BANP: variants seen among roughly 807,000 people sequenced by gnomAD.
The protein encoded by BANP is BTG3 associated nuclear protein, also known as protein BANP.
A neutral mutation model predicts 68.1 loss-of-function variants in BANP; 11 were observed. The observed-to-expected ratio is 0.16, with a 90% confidence interval of 0.10 to 0.27. The LOEUF is 0.27. BANP is among the 10% of genes least tolerant of loss of function. The probability of loss-of-function intolerance (pLI) is 1.00; values close to 1 mark genes in which losing one functional copy is unlikely to be tolerated. For missense variants in BANP, 504 were observed against 722.7 expected (o/e 0.70, Z 3.47); for synonymous variants, 329 against 303.2 (o/e 1.09, Z -0.88).
At chr16:88,025,302 A>G (rs1256373890) in intron 7 of BANP, among the ~76,000 whole-genome samples, 2 of 152,208 alleles carry the variant, frequency 1.3e-5, no homozygotes, top group Admixed American at 6.5e-5. Flanking sequence ...TAGTGATTTT[A>G]ATGGTTGGGT....
chr16:88,043,674 A>G (rs2081324076), intron 11 of BANP, among the ~76,000 whole-genome samples: 2 of 152,212 alleles, frequency 1.3e-5, no homozygotes, highest in African/African-American at 4.8e-5. Context: ...TTAGACCACA[A>G]TCAGGGGCAT....
At chr16:87,978,014 T>G (rs2062518810) in intron 2 of BANP, among the ~76,000 whole-genome samples, 1 of 152,166 alleles carries the variant, frequency 6.6e-6, no homozygotes, top group Non-Finnish European at 1.5e-5. Flanking sequence ...TTTTGTATTT[T>G]CAGTAGAGAC....
At chr16:87,966,507 T>G (rs1240589629) in intron 1 of BANP, among the ~76,000 whole-genome samples, 4 of 152,238 alleles carry the variant, frequency 2.6e-5, no homozygotes, top group African/African-American at 4.8e-5. Flanking sequence ...TTGAAATCTT[T>G]ACTGTTAGCA....
At chr16:87,991,333 A>C (rs2065858668) in intron 4 of BANP, among the ~76,000 whole-genome samples, 1 of 152,260 alleles carries the variant, frequency 6.6e-6, no homozygotes, top group Non-Finnish European at 1.5e-5. Context: ...CATATGCTTT[A>C]GAGATACAAT....
chr16:87,998,729 C>T (rs1162619321), intron 4 of BANP, among the ~76,000 whole-genome samples: 3 of 146,944 alleles, frequency 2.0e-5, no homozygotes, highest in African/African-American at 2.5e-5. Context: ...CACGCACGTG[C>T]GCGGCTGTAC....
chr16:88,046,891 C>T (rs910401886), intron 11 of BANP, among the ~76,000 whole-genome samples: 73 of 151,856 alleles, frequency 4.8e-4, no homozygotes, highest in Non-Finnish European at 1.2e-4. Context: ...ACGGTGAAAC[C>T]CCGTCTCTAC....
At chr16:87,999,398 GGACTT>G (rs2068451593) in intron 4 of BANP, among the ~76,000 whole-genome samples, 1 of 130,968 alleles carries the variant, frequency 7.6e-6, no homozygotes, top group Admixed American at 7.4e-5. Flanking sequence ...GTGCGCGGCT[GGACTT>G]ACCTGTCCTT....
chr16:87,992,135 C>T (rs1339743535), intron 4 of BANP, among the ~76,000 whole-genome samples: 2 of 152,202 alleles, frequency 1.3e-5, no homozygotes, highest in Non-Finnish European at 2.9e-5. Flanking sequence ...GGTGATCCTT[C>T]TTGATTCTTT....
intron 4 of BANP, among the ~76,000 whole-genome samples, chr16:87,991,719 A>G (rs528138916): frequency 6.6e-6 from 1 of 152,358 alleles, no homozygotes; most frequent in East Asian, 1.9e-4. Flanking sequence ...GTAGCAGTAC[A>G]ATAGATTTTT....
intron 1 of BANP, among the ~76,000 whole-genome samples, chr16:87,970,864 A>G (rs1181686668): frequency 2.0e-5 from 3 of 152,108 alleles, no homozygotes; most frequent in Admixed American, 1.3e-4. Context: ...CTAAAATACA[A>G]AAAGTAGCCA....
chr16:88,076,037 C>T (rs1275895252), intron 13 of BANP, among the ~76,000 whole-genome samples: 1 of 152,198 alleles, frequency 6.6e-6, no homozygotes, highest in Admixed American at 6.5e-5. Flanking sequence ...TGAGCCACTG[C>T]GCCCGACCTC....
chr16:88,067,869 G>T (rs1230673342), intron 12 of BANP, among the ~76,000 whole-genome samples: 3 of 152,214 alleles, frequency 2.0e-5, no homozygotes, highest in East Asian at 3.9e-4. Context: ...GAACCCTGAC[G>T]ATGCTCCCGG....
Position 87,975,059 on chromosome 16 carries a change from C to A in BANP, c.-57C>A. Reference sequence around the variant, plus strand: ...CTTCTGTTTGGTAGGTGACCAAAAGCCAGCCCCACTGTGAGTTGAACTCTT... The same window carrying A: ...CTTCTGTTTGGTAGGTGACCAAAAGACAGCCCCACTGTGAGTTGAACTCTT... On this transcript the variant is annotated 5_prime_UTR_variant, in exon 2 of 14. Transcript: ENST00000682872. 6.6e-7 allele frequency: 1 copy of A among 1,509,106 alleles called. No individual in the cohort carries two copies. Among genetic ancestry groups the A allele is most frequent in the Non-Finnish European group, 9.2e-7 (1 of 1,086,816 alleles). The allele number at this position is 1,509,106 out of a possible 1,614,324, so 93.5% of individuals were successfully genotyped here.
At chr16:88,063,618 T>C (rs537138857) in intron 11 of BANP, among the ~76,000 whole-genome samples, 1 of 152,140 alleles carries the variant, frequency 6.6e-6, no homozygotes, top group Non-Finnish European at 1.5e-5. Context: ...GATAGACGAG[T>C]TTCAGATCCG....
At chr16:87,981,265 G>A (rs2063207677) in intron 3 of BANP, 138 bp downstream of exon 3, 2 of 689,604 alleles carry the variant, frequency 2.9e-6, no homozygotes, top group Non-Finnish European at 5.1e-6. Context: ...TCAAGATGCA[G>A]GCAGGGTCTC....
intron 1 of BANP, among the ~76,000 whole-genome samples, chr16:87,965,229 T>C: frequency 6.6e-6 from 1 of 151,296 alleles, no homozygotes; most frequent in East Asian, 1.9e-4. Context: ...GGCCCTGTGG[T>C]GGGGAGAATG....
intron 11 of BANP, among the ~76,000 whole-genome samples, chr16:88,043,891 C>T (rs996503390): frequency 5.0e-4 from 70 of 139,814 alleles, no homozygotes; most frequent in African/African-American, 2.0e-3. Context: ...ACAAAAAAAG[C>T]CCTTAAAAAT....
chr16:88,059,685 G>T (rs1352823490), intron 11 of BANP, among the ~76,000 whole-genome samples: 2 of 152,156 alleles, frequency 1.3e-5, no homozygotes, highest in Non-Finnish European at 2.9e-5. Context: ...TGTGAGTTTG[G>T]TGGGGTTCTG....
chr16:88,055,585 C>T, intron 11 of BANP, among the ~76,000 whole-genome samples: 1 of 152,154 alleles, frequency 6.6e-6, no homozygotes, highest in Non-Finnish European at 1.5e-5. Flanking sequence ...GATTAGAAGA[C>T]ATGGGAAATG....
Sources: gnomAD v4.1 joint callset for allele counts (sites outside exome capture counted in the v4.1 genomes callset) on GRCh38, gnomAD v4.1.1 for gene constraint, MANE v1.5 for transcripts, NCBI Gene and HGNC (gene_info 2026-07-23, HGNC 2026-07-21) for gene names.